Variants in AEBP1 observed in about 807,000 individuals in gnomAD.
AEBP1 encodes the protein adipocyte enhancer-binding protein 1.
A neutral mutation model predicts 116.5 loss-of-function variants in AEBP1; 69 were observed. The ratio of observed to expected loss-of-function variants is 0.59; its 90% CI spans 0.49 to 0.72. The LOEUF is 0.72. Among genes scored for constraint, AEBP1 ranks in the 30% least tolerant of loss-of-function variants. The pLI is 0.00. For missense variants in AEBP1, 1,444 were observed against 1,557.5 expected, an observed-to-expected ratio of 0.93 and a Z score of 1.23; for synonymous variants, 627 against 627.3, an observed-to-expected ratio of 1.00 and a Z score of 0.01.
At chr7:44,106,506 C>G in intron 1 of AEBP1, 40 bp from the exon 2 acceptor site, 1 of 1,539,026 alleles carries the variant, frequency 6.5e-7, no homozygotes, top group East Asian at 2.3e-5. Flanking sequence ...GGGCACAGAG[C>G]TGGCTCTGTT....
chr7:44,111,419 C>T lies in AEBP1; in HGVS notation c.1717-88C>T. ...GTGAAGGGGTCATGCCCGTCCCTCGCCATAGAGCAGGCCCTGGAAGTGGAA... is the reference window on the plus strand; with the variant it reads ...GTGAAGGGGTCATGCCCGTCCCTCGTCATAGAGCAGGCCCTGGAAGTGGAA... On this transcript the variant is annotated intron_variant, in intron 14 of 20. Transcript: ENST00000223357. This position sits in a 1 kb window ranked among gnomAD's most constrained non-coding sequence, Gnocchi z 4.7. 6.7e-7 allele frequency: 1 copy of T among 1,487,542 alleles called. No homozygotes were observed. Among genetic ancestry groups the T allele is most frequent in the Non-Finnish European group, 9.0e-7 (1 of 1,116,526 alleles). 92.1% of individuals were successfully genotyped at this position (1,487,542 alleles called of 1,614,324 possible). A position where few individuals can be genotyped will look rare whatever the true frequency, so the allele number is the denominator to read the frequency against.
At position 44,108,957 on chromosome 7, in the gene AEBP1, C is replaced by A; in HGVS notation, c.999C>A (p.Asp333Glu). 1 of 1,603,646 alleles carries A rather than the reference C, an allele frequency of 6.2e-7. No homozygotes were observed. Among genetic ancestry groups the A allele is most frequent in the Non-Finnish European group, 8.5e-7 (1 of 1,175,840 alleles). ...PQKPDAERQTDEEKEELKKPK... is the reference protein window; with the variant it reads ...PQKPDAERQTEEEKEELKKPK... ...AGCCCGATGCTGAGCGCCAGACAGA[C>A]GAAGAGAAGGAGGAGCTGAGTGAGT... Residue 333 changes from aspartate (D) to glutamate (E), a missense_variant, in exon 7 of 21, where the codon GAC becomes GAA. Transcript: ENST00000223357. The surrounding 1 kb of genome is among the most constrained non-coding windows in gnomAD (Gnocchi z 5.0).
Position 44,114,309 on chromosome 7 carries a change from G to GT in AEBP1, c.*48_*49insT, listed in dbSNP as rs2096234376. On this transcript the variant is annotated 3_prime_UTR_variant, in exon 21 of 21. Coordinates refer to ENST00000223357, the MANE Select transcript of AEBP1 (RefSeq NM_001129.5). Reference sequence around the variant, plus strand: ...CAGCCCAACTCAAGCTACAGCAGCAGCACTTCCCAAGCCTGCTGACCACAG... The same window carrying GT: ...CAGCCCAACTCAAGCTACAGCAGCAGTCACTTCCCAAGCCTGCTGACCACAG... The GT allele has an allele frequency of 6.3e-7, 1 of 1,598,196 alleles. No homozygotes were observed. The highest frequency in any genetic ancestry group is 8.6e-7 in the Non-Finnish European group (1 of 1,168,298).
In AEBP1 at chr7:44,113,404, G is replaced by C. The variant is rs2096232267; in HGVS notation, c.2809+53G>C. 4.5e-6 allele frequency: 7 copies of C among 1,543,520 alleles called. No individual in the cohort carries two copies. In the East Asian group the frequency reaches 1.7e-4, roughly 37 times the overall value. ...TCTTTCTGAGGGAGGACCCGCCAGA[G>C]AGGGTGGGGGCTTGAGGAACTCAGC... On this transcript the variant is annotated intron_variant, in intron 20 of 20. Transcript: ENST00000223357. The surrounding 1 kb of genome is among the most constrained non-coding windows in gnomAD (Gnocchi z 5.3).
At position 44,104,897 on chromosome 7, in the gene AEBP1, C is replaced by T. The variant is rs1284660903; in HGVS notation, c.232C>T (p.Arg78Trp). The stretch of plus-strand genomic sequence containing the variant: ...CCAGGCGGGGGGCAAGCCAGGGAAG[C>T]GGCCAGGGACGGCCGCAGAAGGTAA... The part of the protein sequence containing the change: ...KAQAGGKPGK[R>W]PGTAAEVPPE... The change falls in exon 1 of 21, where the codon CGG (arginine) becomes TGG (tryptophan). Residue 78 changes from arginine (R) to tryptophan (W), a missense_variant. Transcript: ENST00000223357. 1 of 1,545,980 alleles carries T rather than the reference C, an allele frequency of 6.5e-7. No homozygotes were observed. Among genetic ancestry groups the T allele is most frequent in the Non-Finnish European group, 8.7e-7 (1 of 1,144,558 alleles).
rs748548908 is a variant in AEBP1, at chr7:44,109,331, G to A, written c.1140G>A (p.Thr380=). The change falls in exon 9 of 21, where the codon ACG becomes ACA. Residue 380 remains threonine, a synonymous_variant. Coordinates refer to ENST00000223357, the MANE Select transcript of AEBP1 (RefSeq NM_001129.5). ...GEELEEEWTP[T]EKVKCPPIGM... is the part of the protein sequence containing the mutation. ...AGTTGGAGGAGGAGTGGACGCCTAC[G>A]GAGAAAGTCAGTAAGTGGGGGGCAC... The A allele has an allele frequency of 3.8e-6, 6 of 1,599,208 alleles. No individual in the cohort carries two copies. Among genetic ancestry groups the A allele is most frequent in the Middle Eastern group, 1.7e-4 (1 of 5,880 alleles).
Position 44,113,860 on chromosome 7 carries a change from C to CG in AEBP1, c.3077dup (p.Leu1027ProfsTer58), listed in dbSNP as rs752790596. The CG allele has an allele frequency of 1.9e-6, 3 of 1,613,818 alleles. No individual in the cohort carries two copies. The highest frequency in any genetic ancestry group is 2.5e-6 in the Non-Finnish European group (3 of 1,179,998). ...CCTGCAGCAGCGACGCCTACAACAC[C>CG]GCCTGCGGCTTCGGGCACAGATGCG... On this transcript the variant is annotated frameshift_variant, in exon 21 of 21. Coordinates refer to ENST00000223357, the MANE Select transcript of AEBP1 (RefSeq NM_001129.5). LOFTEE classifies it low-confidence loss of function (END_TRUNC). The surrounding 1 kb of genome is among the most constrained non-coding windows in gnomAD (Gnocchi z 5.3).
rs144144167 is a variant in AEBP1 at position 44,108,032 on chromosome 7, C to T, written c.888C>T (p.Pro296=). 2 of 1,596,588 alleles carry T rather than the reference C, an allele frequency of 1.3e-6. No homozygotes were observed. The highest frequency in any genetic ancestry group is 1.3e-5 in the African/African-American group (1 of 74,526). The change falls in exon 6 of 21, where the codon CCC becomes CCT. Residue 296 remains proline, a synonymous_variant. Transcript: ENST00000223357. This position sits in a 1 kb window ranked among gnomAD's most constrained non-coding sequence, Gnocchi z 5.0. The stretch of plus-strand genomic sequence containing the variant: ...AGCCTCCTGTGAAGCCTCTGCTGCC[C>T]CCGCTGCCCCCTGACTATGGTGATG... ...RIEPPVKPLL[P]PLPPDYGDGY...
At chr7:44,109,015 TGAAGGCCACCTGGGGCCTGCCTG>T in intron 7 of AEBP1, 39 bp downstream of exon 7, 1 of 1,607,076 alleles carries the variant, frequency 6.2e-7, no homozygotes, top group Non-Finnish European at 8.5e-7. Context: ...AGGCCTGCCC[TGAAGGCCACCTGGGGCCTGCCTG>T]ATCCACCCCA....
In AEBP1 at chr7:44,111,747, G is replaced by T; in HGVS notation, c.1841-107G>T. ...TGGCTTGTCTTACAGGGCCCTAGGA[G>T]CCCCAGCTGTCCCCCAGACCCTCGG... On this transcript the variant is annotated intron_variant, in intron 15 of 20. Coordinates refer to ENST00000223357, the MANE Select transcript of AEBP1 (RefSeq NM_001129.5). This position sits in a 1 kb window ranked among gnomAD's most constrained non-coding sequence, Gnocchi z 4.7. 6.5e-7 allele frequency: 1 copy of T among 1,536,616 alleles called. No homozygotes were observed. The highest frequency in any genetic ancestry group is 8.8e-7 in the Non-Finnish European group (1 of 1,137,358).
chr7:44,110,744 T>G lies in AEBP1; in HGVS notation c.1420T>G (p.Phe474Val). Residue 474 changes from phenylalanine (F) to valine (V), a missense_variant, in exon 12 of 21, where the codon TTC becomes GTC. By Grantham distance (50) the Phe-to-Val change is conservative. Transcript: ENST00000223357. ...SSIHDDFVTT[F>V]FVGFSNDSQT... The stretch of plus-strand genomic sequence containing the variant: ...CCACAGTGACGATTTTGTGACCACC[T>G]TCTTCGTGGGCTTCAGCAATGACAG... 6.6e-7 allele frequency: 1 copy of G among 1,524,552 alleles called. No homozygotes were observed. The highest frequency in any genetic ancestry group is 8.8e-7 in the Non-Finnish European group (1 of 1,135,234). The allele number at this position is 1,524,552 out of a possible 1,614,324, so 94.4% of individuals were successfully genotyped here.
Position 44,110,807 on chromosome 7 carries a change from A to G in AEBP1, c.1483A>G (p.Met495Val), listed in dbSNP as rs1488982708. ...WVMYTNGYEE[M>V]TFHGNVDKDT... is the part of the protein sequence containing the mutation. ...GATGTACACCAACGGCTATGAGGAAATGGTGGGCACCATGCCCAGGCTCTT... is the reference window on the plus strand; with the variant it reads ...GATGTACACCAACGGCTATGAGGAAGTGGTGGGCACCATGCCCAGGCTCTT... Residue 495 changes from methionine to valine, a missense_variant and splice_region_variant, in exon 12 of 21, where the codon ATG becomes GTG. Met to Val is a conservative substitution (Grantham distance 21). Coordinates refer to ENST00000223357, the MANE Select transcript of AEBP1 (RefSeq NM_001129.5). 1.3e-6 allele frequency: 2 copies of G among 1,567,214 alleles called. No individual in the cohort carries two copies. The highest frequency in any genetic ancestry group is 1.2e-5 in the South Asian group (1 of 84,636).
rs143568325 is a variant in AEBP1, at chr7:44,110,235, A to T, written c.1289A>T (p.Asp430Val). The change falls in exon 11 of 21, where the codon GAT becomes GTT. Residue 430 changes from aspartate to valine, a missense_variant. Transcript: ENST00000223357. ...GGTGCCACTGAGGACGACTACTATG[A>T]TGGTGCGTGGTGTGCCGAGGACGAT... ...QTGATEDDYY[D>V]GAWCAEDDAR... 1 of 1,613,682 alleles carries T rather than the reference A, an allele frequency of 6.2e-7. No homozygotes were observed.
At position 44,113,723 on chromosome 7, in the gene AEBP1, T is replaced by C. The variant is rs367704352; in HGVS notation, c.2939T>C (p.Phe980Ser). ...GACATCGGGGCCACTCAGTGCAACT[T>C]CATCCTGGCTCGCTCCAACTGGAAG... ...DYDIGATQCN[F>S]ILARSNWKRI... Residue 980 changes from phenylalanine to serine, a missense_variant, in exon 21 of 21, where the codon TTC becomes TCC. Physicochemically the swap from Phe to Ser is radical, Grantham distance 155. Coordinates refer to ENST00000223357, the MANE Select transcript of AEBP1 (RefSeq NM_001129.5). This position sits in a 1 kb window ranked among gnomAD's most constrained non-coding sequence, Gnocchi z 5.3. 2.7e-5 allele frequency: 43 copies of C among 1,613,958 alleles called. No individual in the cohort carries two copies. The highest frequency in any genetic ancestry group is 3.6e-5 in the Non-Finnish European group (43 of 1,179,990).
Position 44,110,345 on chromosome 7 carries a change from C to T in AEBP1, c.1399C>T (p.His467Tyr). Reference sequence around the variant, plus strand: ...CACCCAGGGCAGAGACTCCAGCATCCAGTGCGTGGCCAGGCTCATGGATAG... The same window carrying T: ...CACCCAGGGCAGAGACTCCAGCATCTAGTGCGTGGCCAGGCTCATGGATAG... The part of the protein sequence containing the change: ...VITQGRDSSI[H>Y]DDFVTTFFVG... The change falls in exon 11 of 21, where the codon CAT (histidine) becomes TAT (tyrosine). Residue 467 changes from histidine (H) to tyrosine (Y), a missense_variant and splice_region_variant. Transcript: ENST00000223357. The T allele has an allele frequency of 1.2e-6, 2 of 1,613,692 alleles. No homozygotes were observed. Among genetic ancestry groups the T allele is most frequent in the South Asian group, 1.1e-5 (1 of 91,088 alleles).
chr7:44,113,237 CA>C lies in AEBP1; in HGVS notation c.2710-14del, dbSNP rs1009026985. Reference sequence around the variant, plus strand: ...GACCTTCCTGAGGACCAGCAGCCCTCACCTGCTTCCCTAGGTGCACCGCGGC... The same window carrying C: ...GACCTTCCTGAGGACCAGCAGCCCTCCCTGCTTCCCTAGGTGCACCGCGGC... On this transcript the variant is annotated splice_polypyrimidine_tract_variant and intron_variant, in intron 19 of 20. Transcript: ENST00000223357. The surrounding 1 kb of genome is among the most constrained non-coding windows in gnomAD (Gnocchi z 5.3). 13 of 1,613,510 alleles carry C rather than the reference CA, an allele frequency of 8.1e-6. No individual in the cohort carries two copies. In the Admixed American group the frequency reaches 1.0e-4, roughly 12 times the overall value.
rs1208018901 is a variant in AEBP1, at chr7:44,104,648, C to A, written c.-18C>A. On this transcript the variant is annotated 5_prime_UTR_variant, in exon 1 of 21. Transcript: ENST00000223357. The stretch of plus-strand genomic sequence containing the variant: ...ACCCCCCGCGCCCTCCCCGGAGCCC[C>A]CCGCGCGTGCCGCGGCCATGGCGGC... The A allele has an allele frequency of 6.9e-7, 1 of 1,442,446 alleles. No homozygotes were observed. The highest frequency in any genetic ancestry group is 9.1e-7 in the Non-Finnish European group (1 of 1,104,196). 89.4% of individuals were successfully genotyped at this position (1,442,446 alleles called of 1,614,324 possible).
In AEBP1 at chr7:44,104,601, T is replaced by C; in HGVS notation, c.-65T>C. The C allele has an allele frequency of 8.5e-7, 1 of 1,174,436 alleles. No homozygotes were observed. The highest frequency in any genetic ancestry group is 1.1e-6 in the Non-Finnish European group (1 of 887,214). 72.8% of individuals were successfully genotyped at this position (1,174,436 alleles called of 1,614,324 possible). On this transcript the variant is annotated 5_prime_UTR_variant, in exon 1 of 21. Transcript: ENST00000223357. ...CCGTCTCGATCCCCTCTCCGCCCTT[T>C]CCCAGAGACCCAGAGCCCCTGACCC...
In AEBP1 at chr7:44,105,016, G is replaced by A. The variant is rs552503100; in HGVS notation, c.253+98G>A. On this transcript the variant is annotated intron_variant, in intron 1 of 20. Transcript: ENST00000223357. ...CTGGCCACTCCCCAGTCTGCTAGGGGAGGAATGGCTGGCTTACTAATGCGC... is the reference window on the plus strand; with the variant it reads ...CTGGCCACTCCCCAGTCTGCTAGGGAAGGAATGGCTGGCTTACTAATGCGC... The A allele has an allele frequency of 8.4e-6, 9 of 1,068,870 alleles. No homozygotes were observed. The African/African-American group carries it at 1.4e-4, about 17-fold the overall frequency. 66.2% of individuals were successfully genotyped at this position (1,068,870 alleles called of 1,614,324 possible). A position where few individuals can be genotyped will look rare whatever the true frequency, so the allele number is the denominator to read the frequency against.
Sources: gnomAD v4.1 joint callset for allele counts on GRCh38, gnomAD v4.1.1 for gene constraint, Gnocchi (gnomAD v3.1) non-coding constraint, MANE v1.5 for transcripts, NCBI Gene and HGNC (gene_info 2026-07-23, HGNC 2026-07-21) for gene names.